ITGA1: variants seen among roughly 807,000 people sequenced by gnomAD.
ITGA1 encodes integrin alpha-1.
In ITGA1, 85 loss-of-function variants were observed where a neutral mutation model predicts 145.9. The ratio of observed to expected loss-of-function variants is 0.58; its 90% CI spans 0.49 to 0.70. The LOEUF (loss-of-function observed/expected upper bound fraction) is 0.70, where lower values mean the gene tolerates loss of function less well. Ranked by LOEUF, ITGA1 falls within the 30% of genes least tolerant of loss-of-function variation. The pLI, the probability that ITGA1 is intolerant of heterozygous loss-of-function variation, is 0.00. For missense variants in ITGA1, 1,351 were observed against 1,418.7 expected, an observed-to-expected ratio of 0.95 and a Z score of 0.77; for synonymous variants, 520 against 495.3, an observed-to-expected ratio of 1.05 and a Z score of -0.66.
At chr5:52,894,938 CTTTT>C (rs1344858294) in intron 9 of ITGA1, among the ~76,000 whole-genome samples, 1 of 152,140 alleles carries the variant, frequency 6.6e-6, no homozygotes, top group Admixed American at 6.5e-5. Context: ...GGCTTTCAAA[CTTTT>C]TTTGAGTGTG....
intron 1 of ITGA1, among the ~76,000 whole-genome samples, chr5:52,823,817 G>T (rs1748916940): frequency 6.6e-6 from 1 of 152,230 alleles, no homozygotes; most frequent in Admixed American, 6.5e-5. Flanking sequence ...AGTGCTTTCA[G>T]CATTTCTTTT....
At chr5:52,869,268 C>G (rs918428195) in intron 6 of ITGA1, among the ~76,000 whole-genome samples, 26 of 152,198 alleles carry the variant, frequency 1.7e-4, no homozygotes, top group African/African-American at 6.3e-4. Context: ...TCAAGCAATT[C>G]TCGTGCCTCA....
intron 2 of ITGA1, among the ~76,000 whole-genome samples, chr5:52,860,901 C>A (rs1026652793): frequency 6.6e-6 from 1 of 152,204 alleles, no homozygotes; most frequent in African/African-American, 2.4e-5. Flanking sequence ...TCCTTATTTT[C>A]TAAGCACTTA....
intron 7 of ITGA1, among the ~76,000 whole-genome samples, chr5:52,885,688 T>A (rs1389532425): frequency 6.6e-6 from 1 of 152,244 alleles, no homozygotes. Flanking sequence ...TTTAGCAGTG[T>A]GAGCAATGGG....
At chr5:52,942,017 A>C (rs1488693633) in intron 26 of ITGA1, among the ~76,000 whole-genome samples, 2 of 152,054 alleles carry the variant, frequency 1.3e-5, no homozygotes, top group Non-Finnish European at 2.9e-5. Context: ...TCCCAACACC[A>C]TTTTTTGACT....
chr5:52,957,579 G>A lies in ITGA1; in HGVS notation c.*5128G>A, dbSNP rs992963749. 2.0e-5 allele frequency: 3 copies of A among 152,164 alleles called. No homozygotes were observed. Among genetic ancestry groups the A allele is most frequent in the Non-Finnish European group, 4.4e-5 (3 of 68,064 alleles). 9.4% of individuals were successfully genotyped at this position (152,164 alleles called of 1,614,324 possible). ...TCAGTGCTATGAGACTGGGCAGTAG[G>A]AGCCAGAGCCAATTTGCAGGATCTC... On this transcript the variant is annotated 3_prime_UTR_variant, in exon 29 of 29. Transcript: ENST00000282588.
chr5:52,882,173 A>G (rs1749971645), intron 7 of ITGA1, 152 bp downstream of exon 7: 3 of 629,144 alleles, frequency 4.8e-6, no homozygotes, highest in Admixed American at 6.3e-5. Flanking sequence ...AATGGTTACA[A>G]GATCAGATGT....
intron 1 of ITGA1, among the ~76,000 whole-genome samples, chr5:52,837,097 C>T (rs561104192): frequency 2.0e-5 from 3 of 152,202 alleles, no homozygotes; most frequent in African/African-American, 7.2e-5. Context: ...AAAGACCAAA[C>T]CTCTTCCTCA....
rs2447867 is a variant in ITGA1, at chr5:52,861,540, T to C, written c.276T>C (p.Cys92=). The C allele has an allele frequency of 0.82, 1,314,294 of 1,610,020 alleles. 539,473 individuals carry two copies. The highest frequency in any genetic ancestry group is 0.85 in the Middle Eastern group (5,131 of 6,042). The change falls in exon 3 of 29, where the codon TGT becomes TGC. Residue 92 remains cysteine, a synonymous_variant. Transcript: ENST00000282588. ...CPVGRGESLP[C]VKLDLPVNTS... ...TTGGGAGAGGTGAATCATTACCTTGTGTAAAGTTGGATCTACCAGGTATGT... is the reference window on the plus strand; with the variant it reads ...TTGGGAGAGGTGAATCATTACCTTGCGTAAAGTTGGATCTACCAGGTATGT...
intron 2 of ITGA1, among the ~76,000 whole-genome samples, chr5:52,856,887 T>C (rs746256418): frequency 6.6e-6 from 1 of 152,294 alleles, no homozygotes; most frequent in Non-Finnish European, 1.5e-5. Context: ...GTCCCTCAAC[T>C]GGGGCTGGAG....
chr5:52,890,202 A>C (rs1750124196), intron 8 of ITGA1, among the ~76,000 whole-genome samples: 2 of 152,170 alleles, frequency 1.3e-5, no homozygotes, highest in Non-Finnish European at 2.9e-5. Context: ...CACTTTCTAC[A>C]TTCCTCAACC....
At chr5:52,951,923 G>A (rs150287894) in intron 28 of ITGA1, among the ~76,000 whole-genome samples, 1,599 of 152,258 alleles carry the variant, frequency 0.011, 27 homozygotes, top group Middle Eastern at 0.02. Context: ...CCGGCGCGAT[G>A]GCTCACGCCT....
In ITGA1 at chr5:52,947,470, C is replaced by A. The variant is rs1444109018; in HGVS notation, c.3495+9C>A. On this transcript the variant is annotated intron_variant, in intron 28 of 28. Coordinates refer to ENST00000282588, the MANE Select transcript of ITGA1 (RefSeq NM_181501.2). ...TTTTAGCACTGTGGAAGGTAAACAC[C>A]AAAATTCCTTTGACTCTCTACTTCA... is the stretch of plus-strand genomic sequence containing the variant. 1.3e-6 allele frequency: 2 copies of A among 1,546,520 alleles called. No individual in the cohort carries two copies. Among genetic ancestry groups the A allele is most frequent in the Admixed American group, 1.7e-5 (1 of 59,884 alleles).
intron 28 of ITGA1, among the ~76,000 whole-genome samples, chr5:52,949,781 T>C (rs147468154): frequency 1.3e-3 from 194 of 152,286 alleles, no homozygotes; most frequent in African/African-American, 4.5e-3. Context: ...CCCCCTACTT[T>C]AAAGTTCTGT....
chr5:52,827,433 G>T (rs1389312462), intron 1 of ITGA1, among the ~76,000 whole-genome samples: 1 of 152,130 alleles, frequency 6.6e-6, no homozygotes, highest in Admixed American at 6.6e-5. Context: ...AAAGAATTTA[G>T]AATATTCCAT....
chr5:52,832,898 G>C (rs1309447007), intron 1 of ITGA1, among the ~76,000 whole-genome samples: 2 of 149,890 alleles, frequency 1.3e-5, no homozygotes, highest in East Asian at 2.0e-4. Flanking sequence ...GCCATCAAAA[G>C]CTTTGAGATT....
rs1239479632 is a variant in ITGA1, at chr5:52,936,174, C to T, written c.2965-1227C>T. Among the ~76,000 whole-genome samples, 2 of 13,964 alleles carry T rather than the reference C, an allele frequency of 1.4e-4. 1 individual carries two copies. 9.2% of individuals were successfully genotyped at this position (13,964 alleles called of 152,430 possible). A position where few individuals can be genotyped will look rare whatever the true frequency, so the allele number is the denominator to read the frequency against. On this transcript the variant is annotated intron_variant, in intron 23 of 28. Transcript: ENST00000282588. ...GTATTTTTTAGTAGAGACGGGGTTTCACCGTTTTAGCCGGGATGGTCTCGA... is the reference window on the plus strand; with the variant it reads ...GTATTTTTTAGTAGAGACGGGGTTTTACCGTTTTAGCCGGGATGGTCTCGA...
chr5:52,802,993 A>G (rs1378990226), intron 1 of ITGA1: 1 of 152,206 alleles, frequency 6.6e-6, no homozygotes, highest in African/African-American at 2.4e-5. Context: ...TCAGTAATGG[A>G]ATTGCTTCTT....
intron 11 of ITGA1, among the ~76,000 whole-genome samples, chr5:52,900,012 C>T (rs577929729): frequency 6.6e-6 from 1 of 152,236 alleles, no homozygotes; most frequent in South Asian, 2.1e-4. Context: ...GTGCCAAACA[C>T]TGAGTTTATA....
Sources: allele counts gnomAD v4.1 joint callset (sites outside exome capture counted in the v4.1 genomes callset), GRCh38; gene constraint gnomAD v4.1.1; transcripts MANE v1.5; gene names NCBI Gene and HGNC (gene_info 2026-07-23, HGNC 2026-07-21).